The following TTC28 variants were observed in gnomAD, a reference collection of about 807,000 sequenced individuals.
TTC28 encodes the protein tetratricopeptide repeat protein 28.
TTC28 carries 61 observed loss-of-function variants against 198.0 expected under a neutral mutation model. The ratio of observed to expected loss-of-function variants is 0.31; its 90% CI spans 0.25 to 0.38. The LOEUF is 0.38. Among genes scored for constraint, TTC28 ranks in the 10% least tolerant of loss-of-function variants. TTC28 has a pLI of 1.00. For missense variants in TTC28, 2,678 were observed against 3,164.0 expected (o/e 0.85, Z 3.69); for synonymous variants, 1,171 against 1,297.8 (o/e 0.90, Z 2.10).
At chr22:28,211,857 C>G (rs1181310036) in intron 5 of TTC28, among the ~76,000 whole-genome samples, 1 of 152,110 alleles carries the variant, frequency 6.6e-6, no homozygotes, top group Admixed American at 6.5e-5. Flanking sequence ...CGCACTTATT[C>G]CAAAATTGAC....
chr22:28,030,119 C>T (rs1601534835), intron 13 of TTC28, 107 bp downstream of exon 13: 10 of 1,447,774 alleles, frequency 6.9e-6, no homozygotes, highest in Non-Finnish European at 7.4e-6. Flanking sequence ...ATGCATGACA[C>T]GAGCCAGAAG....
intron 2 of TTC28, among the ~76,000 whole-genome samples, chr22:28,407,997 CTCTTA>C (rs914653646): frequency 4.6e-5 from 7 of 152,180 alleles, no homozygotes; most frequent in East Asian, 1.9e-4. Context: ...TTCGTAACCT[CTCTTA>C]TATTTTAGTA....
chr22:28,616,681 GTC>G (rs1367369672), intron 2 of TTC28, among the ~76,000 whole-genome samples: 2 of 151,940 alleles, frequency 1.3e-5, no homozygotes, highest in Admixed American at 6.6e-5. Context: ...GTGAAACCCC[GTC>G]TCTACAAAAA....
intron 5 of TTC28, among the ~76,000 whole-genome samples, chr22:28,180,394 T>C (rs1923585851): frequency 6.6e-6 from 1 of 152,144 alleles, no homozygotes; most frequent in Admixed American, 6.5e-5. Flanking sequence ...TTTACAAGGA[T>C]GATGGAAAAA....
intron 2 of TTC28, among the ~76,000 whole-genome samples, chr22:28,502,476 T>TA (rs695536): frequency 0.76 from 110,610 of 145,160 alleles, 42,030 homozygotes; most frequent in South Asian, 0.85. Context: ...CTGTCTCTAC[T>TA]AAAAAAAAAA....
intron 5 of TTC28, among the ~76,000 whole-genome samples, chr22:28,291,799 A>G (rs2044792673): frequency 1.3e-5 from 2 of 152,240 alleles, no homozygotes; most frequent in South Asian, 2.1e-4. Context: ...ACCTAAATAT[A>G]TAACAGTAGG....
chr22:28,022,111 A>G (rs985565300), intron 13 of TTC28, among the ~76,000 whole-genome samples: 2 of 152,220 alleles, frequency 1.3e-5, no homozygotes, highest in African/African-American at 4.8e-5. Context: ...AGGCAGCAGA[A>G]AGCCTGTGGC....
intron 5 of TTC28, among the ~76,000 whole-genome samples, chr22:28,192,951 A>G (rs982081930): frequency 3.9e-5 from 6 of 152,182 alleles, no homozygotes; most frequent in African/African-American, 9.7e-5. Flanking sequence ...CGCCACAAAG[A>G]TACGCCTTGA....
At chr22:28,124,393 C>G (rs1442970971) in intron 6 of TTC28, among the ~76,000 whole-genome samples, 1 of 152,166 alleles carries the variant, frequency 6.6e-6, no homozygotes, top group Admixed American at 6.5e-5. Flanking sequence ...TAGTGCTCAG[C>G]TCAATTCCCA....
intron 5 of TTC28, among the ~76,000 whole-genome samples, chr22:28,288,663 A>T (rs2044732325): frequency 6.6e-6 from 1 of 151,990 alleles, no homozygotes; most frequent in South Asian, 2.1e-4. Context: ...AAAAAAAAAA[A>T]ATAGCCAGGC....
intron 2 of TTC28, among the ~76,000 whole-genome samples, chr22:28,374,459 G>C (rs2046380202): frequency 6.6e-6 from 1 of 152,078 alleles, no homozygotes; most frequent in Non-Finnish European, 1.5e-5. Context: ...TGAACAGTAT[G>C]TAAATGTAGA....
chr22:28,658,597 G>C (rs769045523), intron 1 of TTC28, among the ~76,000 whole-genome samples: 1 of 152,198 alleles, frequency 6.6e-6, no homozygotes, highest in Non-Finnish European at 1.5e-5. Context: ...AAGAGTTATA[G>C]AGATGGATAA....
intron 2 of TTC28, among the ~76,000 whole-genome samples, chr22:28,574,094 C>G (rs540376083): frequency 3.3e-4 from 50 of 152,250 alleles, no homozygotes; most frequent in Admixed American, 1.7e-3. Flanking sequence ...CTTACTGCAG[C>G]CTCAACCTCC....
chr22:28,035,371 G>C (rs899872146), intron 12 of TTC28, among the ~76,000 whole-genome samples: 1 of 152,166 alleles, frequency 6.6e-6, no homozygotes, highest in Non-Finnish European at 1.5e-5. Flanking sequence ...GCAGCAAAAC[G>C]CTCCTTCTTT....
At chr22:28,643,178 C>T (rs1225008996) in intron 1 of TTC28, 1 of 152,152 alleles carries the variant, frequency 6.6e-6, no homozygotes, top group African/African-American at 2.4e-5. Context: ...ACCATCATAG[C>T]GTACTATAAC....
intron 12 of TTC28, among the ~76,000 whole-genome samples, chr22:28,054,864 G>A (rs531330365): frequency 3.3e-5 from 5 of 152,210 alleles, no homozygotes; most frequent in Admixed American, 2.6e-4. Context: ...AGCATTCAAG[G>A]GTTTGGTTAT....
rs544427493 is a variant in TTC28, at chr22:28,316,442, A to G, written c.382-9799T>C. On this transcript the variant is annotated intron_variant, in intron 2 of 22. Coordinates refer to ENST00000397906, the MANE Select transcript of TTC28 (RefSeq NM_001145418.2). Reference sequence around the variant, plus strand: ...TATTTTAGTTTCTTTGCTTTTCCATATAAATCTTTTTAGACTCAGATGTCT... The same window carrying G: ...TATTTTAGTTTCTTTGCTTTTCCATGTAAATCTTTTTAGACTCAGATGTCT... 2.6e-5 allele frequency among the ~76,000 whole-genome samples: 4 copies of G among 152,176 alleles called. No individual in the cohort carries two copies. The South Asian group carries it at 6.2e-4, about 24-fold the overall frequency.
At chr22:28,168,802 A>C (rs906128703) in intron 5 of TTC28, among the ~76,000 whole-genome samples, 2 of 152,254 alleles carry the variant, frequency 1.3e-5, no homozygotes, top group African/African-American at 2.4e-5. Context: ...CAATGGCAAC[A>C]AAAGCCAAAA....
chr22:28,427,090 T>TAA (rs1213145139), intron 2 of TTC28, among the ~76,000 whole-genome samples: 1 of 152,206 alleles, frequency 6.6e-6, no homozygotes, highest in Non-Finnish European at 1.5e-5. Context: ...AGTAATGTTC[T>TAA]AAGCACTGTA....
Sources: allele counts gnomAD v4.1 joint callset (sites outside exome capture counted in the v4.1 genomes callset), GRCh38; gene constraint gnomAD v4.1.1; transcripts MANE v1.5; gene names NCBI Gene and HGNC (gene_info 2026-07-23, HGNC 2026-07-21).